The following PIK3AP1 variants were observed in gnomAD, a reference collection of about 807,000 sequenced individuals.
PIK3AP1 encodes the protein phosphoinositide 3-kinase adapter protein 1.
PIK3AP1 carries 21 observed loss-of-function variants against 88.1 expected under a neutral mutation model. The observed-to-expected ratio is 0.24, with a 90% CI of 0.17 to 0.34. The LOEUF (loss-of-function observed/expected upper bound fraction) is 0.34. Among genes scored for constraint, PIK3AP1 ranks in the 10% least tolerant of loss-of-function variants. The probability of loss-of-function intolerance (pLI) is 1.00; values close to 1 mark genes in which losing one functional copy is unlikely to be tolerated. For synonymous variants in PIK3AP1, 398 were observed against 400.0 expected (o/e 1.00, Z 0.06); for missense variants, 828 against 1,035.7 (o/e 0.80, Z 2.75).
At chr10:96,622,143 T>C (rs190358280) in intron 11 of PIK3AP1, among the ~76,000 whole-genome samples, 1 of 152,324 alleles carries the variant, frequency 6.6e-6, no homozygotes, top group Non-Finnish European at 1.5e-5. Context: ...GGAACATCAG[T>C]GGAATCCTGA....
chr10:96,673,693 AT>A (rs1365474175), intron 2 of PIK3AP1, among the ~76,000 whole-genome samples: 1 of 152,054 alleles, frequency 6.6e-6, no homozygotes, highest in Non-Finnish European at 1.5e-5. Flanking sequence ...TGATGTCTGG[AT>A]TTACTGGTGT....
chr10:96,652,611 A>G, intron 4 of PIK3AP1, 87 bp downstream of exon 4: 1 of 1,477,238 alleles, frequency 6.8e-7, no homozygotes, highest in East Asian at 2.3e-5. Flanking sequence ...ATTTAAGATG[A>G]TAATACCTGG....
intron 16 of PIK3AP1, among the ~76,000 whole-genome samples, chr10:96,598,573 C>G (rs779623234): frequency 6.6e-6 from 1 of 152,080 alleles, no homozygotes; most frequent in East Asian, 1.9e-4. Context: ...AATTAAAAGT[C>G]AAAAATGGTG....
chr10:96,659,688 C>A, intron 2 of PIK3AP1, among the ~76,000 whole-genome samples: 1 of 148,218 alleles, frequency 6.7e-6, no homozygotes. Flanking sequence ...CATAGTAAAA[C>A]TCTGTCTCTA....
chr10:96,657,724 T>C (rs1843634220), intron 2 of PIK3AP1, among the ~76,000 whole-genome samples: 2 of 152,032 alleles, frequency 1.3e-5, no homozygotes, highest in East Asian at 1.9e-4. Context: ...TGGAGATAGT[T>C]CAAAGCATTC....
At chr10:96,654,069 C>G (rs1185716264) in intron 3 of PIK3AP1, among the ~76,000 whole-genome samples, 1 of 152,186 alleles carries the variant, frequency 6.6e-6, no homozygotes, top group Non-Finnish European at 1.5e-5. Context: ...GACACCCGTG[C>G]ACTTTGCAGC....
chr10:96,690,874 G>T (rs770692837), intron 2 of PIK3AP1, among the ~76,000 whole-genome samples: 3 of 152,152 alleles, frequency 2.0e-5, no homozygotes, highest in Non-Finnish European at 4.4e-5. Flanking sequence ...AATAAACATT[G>T]GTTCCTCTTT....
rs569035156 is a variant in PIK3AP1 at position 96,681,955 on chromosome 10, T to C, written c.431-25021A>G. On this transcript the variant is annotated intron_variant, in intron 2 of 16. Transcript: ENST00000339364. ...TAATTGGTATACTTTCTCACTCTTATAGACTTTAAAAAATATGCATACATA... is the reference window on the plus strand; with the variant it reads ...TAATTGGTATACTTTCTCACTCTTACAGACTTTAAAAAATATGCATACATA... 5.9e-5 allele frequency among the ~76,000 whole-genome samples: 9 copies of C among 151,782 alleles called. No homozygotes were observed. In the South Asian group the frequency reaches 1.0e-3, roughly 18 times the overall value.
intron 2 of PIK3AP1, among the ~76,000 whole-genome samples, chr10:96,667,360 G>A (rs1041527438): frequency 6.6e-6 from 1 of 152,246 alleles, no homozygotes; most frequent in Admixed American, 6.5e-5. Flanking sequence ...ATTAAGCCTT[G>A]AGAAATGCAT....
intron 10 of PIK3AP1, 64 bp from the exon 11 acceptor site, chr10:96,623,601 A>G: frequency 2.1e-6 from 3 of 1,411,836 alleles, no homozygotes; most frequent in Non-Finnish European, 3.0e-6. Context: ...AATAATAATA[A>G]TAATGAATCC....
chr10:96,694,937 A>G (rs923014650), intron 2 of PIK3AP1, among the ~76,000 whole-genome samples: 28 of 152,150 alleles, frequency 1.8e-4, no homozygotes, highest in Admixed American at 1.6e-3. Context: ...TTTTAATCAC[A>G]TGCATGCCCC....
chr10:96,611,429 G>A (rs1385490020), intron 13 of PIK3AP1, among the ~76,000 whole-genome samples: 1 of 152,020 alleles, frequency 6.6e-6, no homozygotes, highest in Non-Finnish European at 1.5e-5. Flanking sequence ...CCAAACGAGT[G>A]TCAGTCTTTT....
At chr10:96,718,358 G>A (rs111968783) in intron 1 of PIK3AP1, among the ~76,000 whole-genome samples, 5 of 152,286 alleles carry the variant, frequency 3.3e-5, no homozygotes, top group African/African-American at 1.2e-4. Flanking sequence ...CAGAAGGGTG[G>A]CTGGATGACT....
At chr10:96,619,096 C>A (rs542204068) in intron 12 of PIK3AP1, among the ~76,000 whole-genome samples, 36 of 152,330 alleles carry the variant, frequency 2.4e-4, no homozygotes, top group Admixed American at 9.8e-4. Context: ...CTCTCTGAGC[C>A]TCAGTTTTCT....
At position 96,651,352 on chromosome 10, in the gene PIK3AP1, T is replaced by C. The variant is rs1479123515; in HGVS notation, c.884A>G (p.Glu295Gly). The C allele has an allele frequency of 1.2e-6, 2 of 1,614,194 alleles. No homozygotes were observed. The highest frequency in any genetic ancestry group is 4.5e-5 in the East Asian group (2 of 44,882). ...TTCGGTTAGCAGTTTATCAAGGGTCTCTGTGTTGTAGGGCACAATTTTAAA... is the reference window on the plus strand; with the variant it reads ...TTCGGTTAGCAGTTTATCAAGGGTCCCTGTGTTGTAGGGCACAATTTTAAA... ...QAFKIVPYNTETLDKLLTESL... is the reference protein window; with the variant it reads ...QAFKIVPYNTGTLDKLLTESL... Residue 295 changes from glutamate to glycine, a missense_variant, in exon 6 of 17, where the codon GAG becomes GGG. By Grantham distance (98) the Glu-to-Gly change is moderately conservative. Around this residue, in one of 3 missense-constraint regions of PIK3AP1, gnomAD observed 610 missense variants for 760.1 expected, o/e 0.80. Coordinates refer to ENST00000339364, the MANE Select transcript of PIK3AP1 (RefSeq NM_152309.3).
At chr10:96,673,953 G>T (rs1384181781) in intron 2 of PIK3AP1, among the ~76,000 whole-genome samples, 1 of 152,148 alleles carries the variant, frequency 6.6e-6, no homozygotes, top group Admixed American at 6.5e-5. Flanking sequence ...GATGGAACTG[G>T]CTGGTCAGTT....
chr10:96,597,867 A>T (rs879878558), intron 16 of PIK3AP1, among the ~76,000 whole-genome samples: 1 of 152,100 alleles, frequency 6.6e-6, no homozygotes, highest in Non-Finnish European at 1.5e-5. Flanking sequence ...ATTTCCTCCC[A>T]GCCCCTCTTC....
intron 13 of PIK3AP1, among the ~76,000 whole-genome samples, chr10:96,614,747 G>A (rs1198939278): frequency 1.3e-5 from 2 of 152,196 alleles, no homozygotes; most frequent in African/African-American, 2.4e-5. Flanking sequence ...TGCTTGTTAA[G>A]TGTGGAATGA....
At chr10:96,713,578 GGA>G (rs1844466309) in intron 1 of PIK3AP1, among the ~76,000 whole-genome samples, 1 of 151,370 alleles carries the variant, frequency 6.6e-6, no homozygotes, top group South Asian at 2.1e-4. Context: ...CAGCTACTCA[GGA>G]GACTGAGGTA....
Sources: gnomAD v4.1 joint callset for allele counts (sites outside exome capture counted in the v4.1 genomes callset) on GRCh38, gnomAD v4.1.1 for gene constraint, gnomAD v4.1.1 regional missense constraint, MANE v1.5 for transcripts, NCBI Gene and HGNC (gene_info 2026-07-23, HGNC 2026-07-21) for gene names.